The following PPP1R14D variants were observed in gnomAD, a reference collection of about 807,000 sequenced individuals.
PPP1R14D encodes protein phosphatase 1 regulatory subunit 14D.
Under a neutral mutation model 17.1 loss-of-function variants are expected in PPP1R14D, and 14 were observed. The ratio of observed to expected loss-of-function variants is 0.82; its 90% CI spans 0.54 to 1.28. The LOEUF (loss-of-function observed/expected upper bound fraction) is 1.28. Among genes scored for constraint, PPP1R14D ranks in the 50% most tolerant of loss-of-function variants. PPP1R14D has a pLI of 0.00. For synonymous variants in PPP1R14D, 67 were observed against 66.1 expected, an observed-to-expected ratio of 1.01 and a Z score of -0.06; for missense variants, 173 against 179.2, an observed-to-expected ratio of 0.97 and a Z score of 0.20.
In PPP1R14D at chr15:40,816,241, G is replaced by A; in HGVS notation, c.268C>T (p.Pro90Ser). The A allele has an allele frequency of 3.7e-6, 6 of 1,614,076 alleles. No individual in the cohort carries two copies. Among genetic ancestry groups the A allele is most frequent in the Non-Finnish European group, 5.1e-6 (6 of 1,179,982 alleles). Reference sequence around the variant, plus strand: ...TCCAGGTCAATCTCAGGCTCAGAAGGGGTTGCTTGATCCTATTTGGAAATC... The same window carrying A: ...TCCAGGTCAATCTCAGGCTCAGAAGAGGTTGCTTGATCCTATTTGGAAATC... ...VQELFQDQATPSEPEIDLEAL... is the reference protein window; with the variant it reads ...VQELFQDQATSSEPEIDLEAL... The change falls in exon 2 of 4, where the codon CCT (proline) becomes TCT (serine). Residue 90 changes from proline to serine, a missense_variant. By Grantham distance (74) the Pro-to-Ser change is moderately conservative. Coordinates refer to ENST00000299174, the MANE Select transcript of PPP1R14D (RefSeq NM_017726.8).
At position 40,815,509 on chromosome 15, in the gene PPP1R14D, G is replaced by A. The variant is rs1033225527; in HGVS notation, c.*187C>T. ...CAAGGAAGGCATTGGACAACAGCCA[G>A]CTTTCTCCCAGAGAGCCCAGCTGAC... On this transcript the variant is annotated 3_prime_UTR_variant, in exon 4 of 4. Transcript: ENST00000299174. 15 of 721,806 alleles carry A rather than the reference G, an allele frequency of 2.1e-5. No individual in the cohort carries two copies. The African/African-American group carries it at 2.2e-4, about 10-fold the overall frequency. 44.7% of individuals were successfully genotyped at this position (721,806 alleles called of 1,614,324 possible). A position where few individuals can be genotyped will look rare whatever the true frequency, so the allele number is the denominator to read the frequency against.
At chr15:40,826,383 T>C (rs942060480) in intron 1 of PPP1R14D, among the ~76,000 whole-genome samples, 2 of 152,116 alleles carry the variant, frequency 1.3e-5, no homozygotes, top group Non-Finnish European at 2.9e-5. Context: ...AAGGACAACA[T>C]ATTTTGAACT....
intron 1 of PPP1R14D, among the ~76,000 whole-genome samples, chr15:40,820,044 T>C (rs1265081484): frequency 6.6e-6 from 1 of 151,622 alleles, no homozygotes; most frequent in East Asian, 1.9e-4. Context: ...TTTTGTATTT[T>C]TAGTAGAGAT....
chr15:40,827,591 A>G (rs566623264), intron 1 of PPP1R14D, among the ~76,000 whole-genome samples: 2 of 152,262 alleles, frequency 1.3e-5, no homozygotes, highest in South Asian at 4.1e-4. Context: ...TTTAAAGTCA[A>G]ACAGCTACAC....
chr15:40,822,680 C>T (rs1890800651), intron 1 of PPP1R14D, among the ~76,000 whole-genome samples: 1 of 152,062 alleles, frequency 6.6e-6, no homozygotes, highest in Non-Finnish European at 1.5e-5. Context: ...CTCAAACTCC[C>T]AACCTCAGGT....
chr15:40,819,821 G>A (rs953205674), intron 1 of PPP1R14D, among the ~76,000 whole-genome samples: 4 of 151,400 alleles, frequency 2.6e-5, no homozygotes, highest in African/African-American at 9.7e-5. Flanking sequence ...ATACATGTAT[G>A]TGTTTATATA....
Position 40,823,467 on chromosome 15 carries a change from C to T in PPP1R14D, c.255+4920G>A, listed in dbSNP as rs138459826. ...TGTTTATGAAATCTACAGTAATGTC[C>T]TAGGCCCTCACATTCACTCACCAAC... On this transcript the variant is annotated intron_variant, in intron 1 of 3. Transcript: ENST00000299174. Among the ~76,000 whole-genome samples the T allele has an allele frequency of 6.0e-4, 91 of 152,274 alleles. No homozygotes were observed. In the East Asian group the frequency reaches 0.013, roughly 22 times the overall value.
chr15:40,816,491 T>C (rs573975911), intron 1 of PPP1R14D, among the ~76,000 whole-genome samples: 74 of 152,282 alleles, frequency 4.9e-4, no homozygotes, highest in African/African-American at 1.7e-3. Flanking sequence ...GGCAGGCAGA[T>C]CACCTGAGGT....
chr15:40,823,531 T>C (rs1890819242), intron 1 of PPP1R14D, among the ~76,000 whole-genome samples: 1 of 152,216 alleles, frequency 6.6e-6, no homozygotes, highest in Non-Finnish European at 1.5e-5. Flanking sequence ...GCTCCATTCA[T>C]AGTAAGTGAC....
chr15:40,817,026 G>A (rs959883416), intron 1 of PPP1R14D, among the ~76,000 whole-genome samples: 2 of 151,964 alleles, frequency 1.3e-5, no homozygotes, highest in East Asian at 1.9e-4. Context: ...AGCGGAGATC[G>A]TGCCACTGCA....
rs1890915996 is a variant in PPP1R14D at position 40,828,619 on chromosome 15, G to A, written c.23C>T (p.Ser8Phe). 6.2e-7 allele frequency: 1 copy of A among 1,613,036 alleles called. No individual in the cohort carries two copies. The part of the protein sequence containing the change: MLSSSPA[S>F]CTSPSPDGEN... Reference sequence around the variant, plus strand: ...CCCATCTGGGCTGGGAGATGTGCAGGAAGCAGGGCTTGAAGACAGCATGGA... The same window carrying A: ...CCCATCTGGGCTGGGAGATGTGCAGAAAGCAGGGCTTGAAGACAGCATGGA... The change falls in exon 1 of 4, where the codon TCC becomes TTC. Residue 8 changes from serine to phenylalanine, a missense_variant. Coordinates refer to ENST00000299174, the MANE Select transcript of PPP1R14D (RefSeq NM_017726.8).
chr15:40,828,435 C>A lies in PPP1R14D; in HGVS notation c.207G>T (p.Trp69Cys). ...VKYDRGQLQR[W>C]LEMEQWVDAQ... ...CATCCACCCATTGCTCCATCTCCAGCCAGCGCTGGAGCTGGCCCCGGTCAT... is the reference window on the plus strand; with the variant it reads ...CATCCACCCATTGCTCCATCTCCAGACAGCGCTGGAGCTGGCCCCGGTCAT... The change falls in exon 1 of 4, where the codon TGG becomes TGT. Residue 69 changes from tryptophan (W) to cysteine (C), a missense_variant. Coordinates refer to ENST00000299174, the MANE Select transcript of PPP1R14D (RefSeq NM_017726.8). The A allele has an allele frequency of 6.2e-7, 1 of 1,613,200 alleles. No individual in the cohort carries two copies. Among genetic ancestry groups the A allele is most frequent in the Non-Finnish European group, 8.5e-7 (1 of 1,179,556 alleles).
At chr15:40,821,784 C>T (rs918605123) in intron 1 of PPP1R14D, among the ~76,000 whole-genome samples, 4 of 151,962 alleles carry the variant, frequency 2.6e-5, no homozygotes, top group South Asian at 2.1e-4. Context: ...AAAAATTAGC[C>T]GGGTGTGGTG....
At chr15:40,827,751 T>C (rs1247855596) in intron 1 of PPP1R14D, among the ~76,000 whole-genome samples, 1 of 150,812 alleles carries the variant, frequency 6.6e-6, no homozygotes, top group African/African-American at 2.4e-5. Flanking sequence ...TGAAAAGCCG[T>C]CTCTACAAAA....
At chr15:40,817,612 C>CT (rs34000020) in intron 1 of PPP1R14D, among the ~76,000 whole-genome samples, 2,127 of 124,208 alleles carry the variant, frequency 0.017, 49 homozygotes, top group East Asian at 0.075. Flanking sequence ...CAAAACTAAA[C>CT]TTTTTTTTTT....
intron 1 of PPP1R14D, among the ~76,000 whole-genome samples, chr15:40,825,214 G>A (rs946930952): frequency 6.6e-6 from 1 of 151,814 alleles, no homozygotes; most frequent in African/African-American, 2.4e-5. Context: ...GAACCTGGGA[G>A]GCGGAGGTTG....
intron 1 of PPP1R14D, chr15:40,817,173 G>T (rs12148058): frequency 0.043 from 9,158 of 210,914 alleles, 530 homozygotes; most frequent in African/African-American, 0.15. Flanking sequence ...CCTGGCCAAC[G>T]TGGTAAAACC....
intron 1 of PPP1R14D, among the ~76,000 whole-genome samples, chr15:40,826,759 G>C (rs552567934): frequency 1.7e-4 from 26 of 152,224 alleles, no homozygotes; most frequent in Non-Finnish European, 2.8e-4. Flanking sequence ...TTCGAGCCCA[G>C]GAGTTCAAGA....
chr15:40,816,669 G>A (rs995314646), intron 1 of PPP1R14D, among the ~76,000 whole-genome samples: 2 of 152,044 alleles, frequency 1.3e-5, no homozygotes, highest in South Asian at 2.1e-4. Flanking sequence ...GCAGTGAGCC[G>A]AGATTGTGCC....
Sources: gnomAD v4.1 joint callset for allele counts (sites outside exome capture counted in the v4.1 genomes callset) on GRCh38, gnomAD v4.1.1 for gene constraint, MANE v1.5 for transcripts, NCBI Gene and HGNC (gene_info 2026-07-23, HGNC 2026-07-21) for gene names.